SCAPER: variants seen among roughly 807,000 people sequenced by gnomAD.
SCAPER encodes the protein S-phase cyclin A associated protein in the ER.
A neutral mutation model predicts 182.2 loss-of-function variants in SCAPER; 98 were observed. The observed-to-expected ratio is 0.54, with a 90% confidence interval of 0.46 to 0.64. The LOEUF (loss-of-function observed/expected upper bound fraction) is 0.64. Ranked by LOEUF, SCAPER falls within the 30% of genes least tolerant of loss-of-function variation. SCAPER has a pLI of 0.00. For synonymous variants in SCAPER, 605 were observed against 564.6 expected, an observed-to-expected ratio of 1.07 and a Z score of -1.01; for missense variants, 1,432 against 1,690.0, an observed-to-expected ratio of 0.85 and a Z score of 2.68.
intron 2 of SCAPER, among the ~76,000 whole-genome samples, chr15:76,873,583 A>G (rs2072938301): frequency 6.6e-6 from 1 of 152,116 alleles, no homozygotes; most frequent in South Asian, 2.1e-4. Flanking sequence ...ATAAGAGAAA[A>G]ATACAATTAT....
chr15:76,463,163 G>A (rs576637865), intron 25 of SCAPER, among the ~76,000 whole-genome samples: 1 of 152,236 alleles, frequency 6.6e-6, no homozygotes, highest in Non-Finnish European at 1.5e-5. Context: ...TGCTGAGCAA[G>A]TACCGTACTA....
intron 20 of SCAPER, among the ~76,000 whole-genome samples, chr15:76,680,053 T>C (rs1216923536): frequency 6.6e-6 from 1 of 152,100 alleles, no homozygotes; most frequent in African/African-American, 2.4e-5. Flanking sequence ...ATTTTAGTAA[T>C]AGAGTAACAG....
intron 23 of SCAPER, among the ~76,000 whole-genome samples, chr15:76,536,487 G>A (rs1480069678): frequency 6.6e-6 from 1 of 152,178 alleles, no homozygotes; most frequent in Non-Finnish European, 1.5e-5. Flanking sequence ...ACAGTTAATG[G>A]TAATGAGTTA....
intron 4 of SCAPER, among the ~76,000 whole-genome samples, chr15:76,843,969 C>A (rs1599047635): frequency 6.6e-6 from 1 of 152,138 alleles, no homozygotes; most frequent in East Asian, 1.9e-4. Context: ...ACATATACTT[C>A]ATTTAATCAT....
At chr15:76,371,850 G>A (rs968218814) in intron 29 of SCAPER, among the ~76,000 whole-genome samples, 1 of 151,756 alleles carries the variant, frequency 6.6e-6, no homozygotes, top group Non-Finnish European at 1.5e-5. Context: ...CCCAGGAGGC[G>A]GAGGTTGTGG....
At chr15:76,668,104 ATT>A (rs1350792383) in intron 20 of SCAPER, among the ~76,000 whole-genome samples, 1 of 152,182 alleles carries the variant, frequency 6.6e-6, no homozygotes, top group Non-Finnish European at 1.5e-5. Context: ...AGTGTTCTCT[ATT>A]TGAGTAAACG....
chr15:76,461,765 C>T (rs1177786860), intron 25 of SCAPER, among the ~76,000 whole-genome samples: 1 of 152,168 alleles, frequency 6.6e-6, no homozygotes, highest in South Asian at 2.1e-4. Flanking sequence ...TAATGCACAT[C>T]TTCTTTCTCT....
rs532383995 is a variant in SCAPER, at chr15:76,362,573, C to T, written c.3856-8433G>A. On this transcript the variant is annotated intron_variant, in intron 29 of 31. Transcript: ENST00000563290. ...GATTACAGGCAGGTGCCACCATGCC[C>T]GGCTAATTTTTTTATCCTTAGTAGA... 3.2e-4 allele frequency among the ~76,000 whole-genome samples: 48 copies of T among 151,828 alleles called. 2 individuals are homozygous for T. The highest frequency in any genetic ancestry group is 3.4e-3 in the Middle Eastern group (1 of 294).
chr15:76,651,644 A>C (rs1391343088), intron 21 of SCAPER, among the ~76,000 whole-genome samples: 1 of 151,668 alleles, frequency 6.6e-6, no homozygotes, highest in Non-Finnish European at 1.5e-5. Flanking sequence ...AAAAAAAAAA[A>C]AACCCTTGAC....
chr15:76,654,111 AC>A (rs2055403958), intron 21 of SCAPER, among the ~76,000 whole-genome samples: 1 of 152,208 alleles, frequency 6.6e-6, no homozygotes, highest in Admixed American at 6.5e-5. Context: ...GCTCAGCATC[AC>A]TAATAATCAG....
chr15:76,644,393 C>T (rs2054365363), intron 21 of SCAPER, among the ~76,000 whole-genome samples: 1 of 151,990 alleles, frequency 6.6e-6, no homozygotes, highest in Admixed American at 6.6e-5. Flanking sequence ...TATATTATTT[C>T]TAAATGCTTG....
At chr15:76,720,706 T>C (rs189472470) in intron 17 of SCAPER, among the ~76,000 whole-genome samples, 206 of 152,364 alleles carry the variant, frequency 1.4e-3, no homozygotes, top group Non-Finnish European at 2.6e-3. Context: ...TTCATGTGGT[T>C]CTTGGCTGCA....
intron 1 of SCAPER, among the ~76,000 whole-genome samples, chr15:76,897,631 C>T (rs997344301): frequency 6.6e-6 from 1 of 151,964 alleles, no homozygotes; most frequent in African/African-American, 2.4e-5. Flanking sequence ...TGCTTGAACC[C>T]GGGAGGCAGA....
intron 23 of SCAPER, among the ~76,000 whole-genome samples, chr15:76,518,790 T>C (rs1197350299): frequency 6.6e-6 from 1 of 152,238 alleles, no homozygotes; most frequent in Non-Finnish European, 1.5e-5. Flanking sequence ...ATGAACAGTG[T>C]TTAACATTGT....
intron 23 of SCAPER, 85 bp downstream of exon 23, chr15:76,574,073 G>T: frequency 7.4e-7 from 1 of 1,357,178 alleles, no homozygotes; most frequent in Non-Finnish European, 9.8e-7. Flanking sequence ...GGTATATACT[G>T]AGTCTGCCTT....
At chr15:76,760,553 C>T (rs1257521624) in intron 14 of SCAPER, among the ~76,000 whole-genome samples, 1 of 152,168 alleles carries the variant, frequency 6.6e-6, no homozygotes, top group Non-Finnish European at 1.5e-5. Flanking sequence ...TCTATTAAAT[C>T]ACTGGCTTTG....
intron 21 of SCAPER, among the ~76,000 whole-genome samples, chr15:76,642,734 AC>A (rs1215941896): frequency 6.6e-6 from 1 of 151,998 alleles, no homozygotes; most frequent in Non-Finnish European, 1.5e-5. Flanking sequence ...CCTTATTTTG[AC>A]CCTATTCTAC....
chr15:76,538,921 T>C (rs2044464849), intron 23 of SCAPER, among the ~76,000 whole-genome samples: 1 of 152,088 alleles, frequency 6.6e-6, no homozygotes, highest in Non-Finnish European at 1.5e-5. Context: ...GATGCCTGCA[T>C]CCTAGTGAAT....
At position 76,348,272 on chromosome 15, in the gene SCAPER, T is replaced by C. The variant is rs922103667; in HGVS notation, c.*361A>G. ...TTTTTCTTTCAGATTCGTATTTCCT[T>C]AACATGAAAAGTCAACAATGAAAAC... On this transcript the variant is annotated 3_prime_UTR_variant, in exon 32 of 32. Transcript: ENST00000563290. The C allele has an allele frequency of 1.9e-5, 3 of 156,166 alleles. No homozygotes were observed. The Admixed American group carries it at 1.9e-4, about 10-fold the overall frequency. 9.7% of individuals were successfully genotyped at this position (156,166 alleles called of 1,614,324 possible).
Sources: gnomAD v4.1 joint callset for allele counts (sites outside exome capture counted in the v4.1 genomes callset) on GRCh38, gnomAD v4.1.1 for gene constraint, MANE v1.5 for transcripts, NCBI Gene and HGNC (gene_info 2026-07-23, HGNC 2026-07-21) for gene names.